Variants in DZIP1L observed in about 807,000 individuals in gnomAD.
DZIP1L encodes cilium assembly protein DZIP1L.
DZIP1L carries 90 observed loss-of-function variants against 88.7 expected under a neutral mutation model. The ratio of observed to expected loss-of-function variants is 1.02; its 90% confidence interval spans 0.86 to 1.21. The LOEUF is 1.21. Ranked by LOEUF, DZIP1L falls within the 50% of genes most tolerant of loss-of-function variation. DZIP1L has a pLI of 0.00. For missense variants in DZIP1L, 932 were observed against 955.8 expected (o/e 0.98, Z 0.33); for synonymous variants, 363 against 372.1 (o/e 0.98, Z 0.28).
In DZIP1L at chr3:138,108,287, A is replaced by T. The variant is rs76495441; in HGVS notation, c.-81-4235T>A. Reference sequence around the variant, plus strand: ...TCGGAGCAACAGCAGGTTACCAGGCATGCTGTGGGCAAGGGTAATAAGACA... The same window carrying T: ...TCGGAGCAACAGCAGGTTACCAGGCTTGCTGTGGGCAAGGGTAATAAGACA... On this transcript the variant is annotated intron_variant, in intron 1 of 15. Transcript: ENST00000327532. 814 of 961,598 alleles carry T rather than the reference A, an allele frequency of 8.5e-4. 31 individuals are homozygous for T. The East Asian group carries it at 0.069, about 81-fold the overall frequency. 59.6% of individuals were successfully genotyped at this position (961,598 alleles called of 1,614,324 possible).
intron 7 of DZIP1L, among the ~76,000 whole-genome samples, chr3:138,086,545 A>C (rs372552487): frequency 6.6e-6 from 1 of 151,530 alleles, no homozygotes; most frequent in East Asian, 1.9e-4. Context: ...TTCCCTTTGG[A>C]CTCCTGCTGA....
At chr3:138,114,014 T>C (rs927370482) in intron 1 of DZIP1L, among the ~76,000 whole-genome samples, 2 of 152,236 alleles carry the variant, frequency 1.3e-5, no homozygotes, top group Non-Finnish European at 2.9e-5. Flanking sequence ...AGATGCAGAA[T>C]TGTAAAACAA....
At chr3:138,108,654 C>G (rs1390508248) in intron 1 of DZIP1L, among the ~76,000 whole-genome samples, 2 of 152,140 alleles carry the variant, frequency 1.3e-5, no homozygotes, top group Non-Finnish European at 2.9e-5. Context: ...CCTCAGTCAC[C>G]CCCAAATCTC....
At chr3:138,092,878 A>T (rs1358864606) in intron 4 of DZIP1L, among the ~76,000 whole-genome samples, 1 of 152,192 alleles carries the variant, frequency 6.6e-6, no homozygotes, top group African/African-American at 2.4e-5. Flanking sequence ...TTCTCTTGCT[A>T]TTTCCACCAC....
rs1289195549 is a variant in DZIP1L at position 138,097,765 on chromosome 3, C to A, written c.584G>T (p.Gly195Val). The change falls in exon 3 of 16, where the codon GGT becomes GTT. Residue 195 changes from glycine to valine, a missense_variant and splice_region_variant. Gly to Val is a moderately radical substitution (Grantham distance 109). Coordinates refer to ENST00000327532, the MANE Select transcript of DZIP1L (RefSeq NM_173543.3). Reference protein sequence around the residue: ...IQRRHAGVAEGGKQKKQEQPV... With the variant: ...IQRRHAGVAEVGKQKKQEQPV... Reference sequence around the variant, plus strand: ...CCCGGGCTGCTGTCTGGACTCACCACCTTCTGCCACGCCTGCATGCCTGCG... The same window carrying A: ...CCCGGGCTGCTGTCTGGACTCACCAACTTCTGCCACGCCTGCATGCCTGCG... 1.2e-6 allele frequency: 2 copies of A among 1,610,302 alleles called. No individual in the cohort carries two copies. The highest frequency in any genetic ancestry group is 2.2e-5 in the South Asian group (2 of 90,050).
intron 8 of DZIP1L, among the ~76,000 whole-genome samples, chr3:138,083,465 G>C (rs773164255): frequency 6.6e-6 from 1 of 152,186 alleles, no homozygotes; most frequent in Non-Finnish European, 1.5e-5. Context: ...CTCTGGAGGG[G>C]GAACTCAGCC....
At position 138,112,109 on chromosome 3, in the gene DZIP1L, C is replaced by T. The variant is rs111380890; in HGVS notation, c.-82+3219G>A. ...TTATCAAACATCTATATGTCAGGCA[C>T]TGTGCCTGCCTTTAAAAGTAGTAAT... is the stretch of plus-strand genomic sequence containing the variant. On this transcript the variant is annotated intron_variant, in intron 1 of 15. Transcript: ENST00000327532. 2.1e-3 allele frequency among the ~76,000 whole-genome samples: 320 copies of T among 151,920 alleles called. 1 individual carries two copies. The highest frequency in any genetic ancestry group is 7.4e-3 in the African/African-American group (308 of 41,436).
chr3:138,067,566 G>A lies in DZIP1L; in HGVS notation c.1967C>T (p.Ser656Leu), dbSNP rs370129719. The A allele has an allele frequency of 5.5e-5, 88 of 1,610,272 alleles. No individual in the cohort carries two copies. Among genetic ancestry groups the A allele is most frequent in the Non-Finnish European group, 7.3e-5 (86 of 1,178,434 alleles). ...DDWDWSDTET[S>L]EENAQPPGQG... ...GCCAGGGGGCTGGGCATTCTCCTCC[G>A]AGGTCTCTGTGTCAGACCAGTCCCA... Residue 656 changes from serine to leucine, a missense_variant, in exon 14 of 16, where the codon TCG becomes TTG. Coordinates refer to ENST00000327532, the MANE Select transcript of DZIP1L (RefSeq NM_173543.3).
intron 14 of DZIP1L, among the ~76,000 whole-genome samples, 164 bp from the exon 15 acceptor site, chr3:138,064,931 C>A (rs1055123110): frequency 6.6e-6 from 1 of 152,154 alleles, no homozygotes; most frequent in African/African-American, 2.4e-5. Flanking sequence ...GAAGGCCAGG[C>A]CAACAGGTAC....
In DZIP1L at chr3:138,074,204, A is replaced by G. The variant is rs185526649; in HGVS notation, c.1423-2369T>C. 6.6e-5 allele frequency among the ~76,000 whole-genome samples: 10 copies of G among 152,324 alleles called. No individual in the cohort carries two copies. In the East Asian group the frequency reaches 1.9e-3, roughly 29 times the overall value. On this transcript the variant is annotated intron_variant, in intron 11 of 15. Coordinates refer to ENST00000327532, the MANE Select transcript of DZIP1L (RefSeq NM_173543.3). ...TAGGCATCCAAATACAAGAAGCTCA[A>G]AGAACACCTGAGAAATTCATTGCAA...
Position 138,086,999 on chromosome 3 carries a change from T to C in DZIP1L, c.1024A>G (p.Lys342Glu). 1 of 1,614,178 alleles carries C rather than the reference T, an allele frequency of 6.2e-7. No homozygotes were observed. The highest frequency in any genetic ancestry group is 8.5e-7 in the Non-Finnish European group (1 of 1,180,030). The change falls in exon 7 of 16, where the codon AAG (lysine) becomes GAG (glutamate). Residue 342 changes from lysine (K) to glutamate (E), a missense_variant. Coordinates refer to ENST00000327532, the MANE Select transcript of DZIP1L (RefSeq NM_173543.3). ...IQKTEWKRKVKELHEEHMAEK... is the reference protein window; with the variant it reads ...IQKTEWKRKVEELHEEHMAEK... Reference sequence around the variant, plus strand: ...GCCATGTGCTCTTCATGCAGTTCCTTCACTTTTCTTTTCCACTCCGTTTTC... The same window carrying C: ...GCCATGTGCTCTTCATGCAGTTCCTCCACTTTTCTTTTCCACTCCGTTTTC...
intron 14 of DZIP1L, among the ~76,000 whole-genome samples, chr3:138,065,823 G>T (rs1433912958): frequency 6.6e-6 from 1 of 152,192 alleles, no homozygotes; most frequent in Non-Finnish European, 1.5e-5. Flanking sequence ...AAATACAACT[G>T]AAGCCAGAAG....
intron 7 of DZIP1L, among the ~76,000 whole-genome samples, chr3:138,085,905 C>T (rs1160615873): frequency 3.3e-5 from 5 of 152,298 alleles, no homozygotes; most frequent in African/African-American, 7.2e-5. Context: ...GGCACATATA[C>T]ACCATGGAAT....
chr3:138,096,995 C>T (rs1182189770), intron 3 of DZIP1L, among the ~76,000 whole-genome samples: 2 of 151,970 alleles, frequency 1.3e-5, no homozygotes, highest in Admixed American at 6.6e-5. Flanking sequence ...GACTGGCCAA[C>T]ACAGTGAGAC....
chr3:138,090,029 G>A (rs911320794), intron 5 of DZIP1L, among the ~76,000 whole-genome samples: 2 of 152,012 alleles, frequency 1.3e-5, no homozygotes, highest in African/African-American at 4.8e-5. Flanking sequence ...TATAGTCACA[G>A]CTACTCAGGA....
At chr3:138,069,638 A>C (rs1943082627) in intron 12 of DZIP1L, among the ~76,000 whole-genome samples, 1 of 152,152 alleles carries the variant, frequency 6.6e-6, no homozygotes, top group South Asian at 2.1e-4. Context: ...CTTTACATAC[A>C]ACCACTTGGC....
chr3:138,085,085 C>G (rs527489616), intron 7 of DZIP1L, among the ~76,000 whole-genome samples: 1 of 152,172 alleles, frequency 6.6e-6, no homozygotes, highest in African/African-American at 2.4e-5. Context: ...CACTTCCTTA[C>G]ACCTTATACA....
At chr3:138,073,281 A>T (rs1044646415) in intron 11 of DZIP1L, among the ~76,000 whole-genome samples, 2 of 152,150 alleles carry the variant, frequency 1.3e-5, no homozygotes, top group East Asian at 3.9e-4. Flanking sequence ...CTAAACAAAC[A>T]AAAAGAAAAA....
chr3:138,066,680 A>G (rs1942917830), intron 14 of DZIP1L, among the ~76,000 whole-genome samples: 1 of 152,100 alleles, frequency 6.6e-6, no homozygotes, highest in Non-Finnish European at 1.5e-5. Context: ...GTGAGCACCC[A>G]GCAACACCAA....
Sources: allele counts gnomAD v4.1 joint callset (sites outside exome capture counted in the v4.1 genomes callset), GRCh38; gene constraint gnomAD v4.1.1; transcripts MANE v1.5; gene names NCBI Gene and HGNC (gene_info 2026-07-23, HGNC 2026-07-21).